DOP1B: variants seen among roughly 807,000 people sequenced by gnomAD.
DOP1B encodes the protein protein DOP1B.
A neutral mutation model predicts 233.5 loss-of-function variants in DOP1B; 174 were observed. The ratio of observed to expected loss-of-function variants is 0.75; its 90% CI spans 0.66 to 0.85. The LOEUF is 0.85. Ranked by LOEUF, DOP1B falls within the 40% of genes least tolerant of loss-of-function variation. The pLI, the probability that DOP1B is intolerant of heterozygous loss-of-function variation, is 0.00. For synonymous variants in DOP1B, 1,190 were observed against 1,185.6 expected, an observed-to-expected ratio of 1.00 and a Z score of -0.08; for missense variants, 2,652 against 2,846.6, an observed-to-expected ratio of 0.93 and a Z score of 1.56.
intron 2 of DOP1B, among the ~76,000 whole-genome samples, chr21:36,180,884 T>TC (rs1262070350): frequency 5.3e-5 from 7 of 132,512 alleles, no homozygotes; most frequent in Non-Finnish European, 1.7e-5. Flanking sequence ...AGACTGTGTC[T>TC]CAAAAAAAAA....
intron 15 of DOP1B, 125 bp from the exon 16 acceptor site, chr21:36,237,137 G>A: frequency 1.5e-6 from 2 of 1,310,954 alleles, no homozygotes; most frequent in East Asian, 4.7e-5. Context: ...GAGCATGGAG[G>A]ATTCTCACAT....
intron 13 of DOP1B, 40 bp downstream of exon 13, chr21:36,227,917 A>G (rs763991163): frequency 3.3e-6 from 5 of 1,510,320 alleles, no homozygotes; most frequent in Non-Finnish European, 8.9e-7. Flanking sequence ...TGGGGGCTAA[A>G]AGCAGCTTAT....
chr21:36,245,327 G>T lies in DOP1B; in HGVS notation c.3347G>T (p.Ser1116Ile). ...SSEHTESADTSSCHTDSENTS... is the reference protein window; with the variant it reads ...SSEHTESADTISCHTDSENTS... The stretch of plus-strand genomic sequence containing the variant: ...GAGCACACCGAGTCTGCAGATACAA[G>T]CTCCTGCCACACGGACAGCGAGAAC... Residue 1116 changes from serine to isoleucine, a missense_variant, in exon 19 of 37, where the codon AGC (serine) becomes ATC (isoleucine). By Grantham distance (142) the Ser-to-Ile change is moderately radical (BLOSUM62 -2). Transcript: ENST00000691173. The surrounding 1 kb of genome is among the most constrained non-coding windows in gnomAD (Gnocchi z 5.5). The T allele has an allele frequency of 6.2e-7, 1 of 1,614,122 alleles. No homozygotes were observed. Among genetic ancestry groups the T allele is most frequent in the Non-Finnish European group, 8.5e-7 (1 of 1,180,038 alleles).
At chr21:36,285,862 G>C (rs1028103446) in intron 32 of DOP1B, among the ~76,000 whole-genome samples, 11 of 152,026 alleles carry the variant, frequency 7.2e-5, no homozygotes, top group Non-Finnish European at 1.5e-4. Flanking sequence ...CAAAAAGTTA[G>C]CTGAGCATGG....
intron 20 of DOP1B, among the ~76,000 whole-genome samples, chr21:36,247,987 C>T (rs1050394355): frequency 6.6e-6 from 1 of 152,218 alleles, no homozygotes; most frequent in Admixed American, 6.5e-5. Context: ...TATAAAGCCA[C>T]TTGTTTGATT....
chr21:36,201,171 C>CT (rs1322738466), intron 4 of DOP1B, among the ~76,000 whole-genome samples: 1 of 152,036 alleles, frequency 6.6e-6, no homozygotes. Context: ...TGAAGGGACC[C>CT]TTTCCTGGGC....
intron 4 of DOP1B, among the ~76,000 whole-genome samples, chr21:36,204,757 C>T (rs1399907716): frequency 2.7e-5 from 4 of 148,316 alleles, no homozygotes; most frequent in East Asian, 4.0e-4. Context: ...CGGGTACAAG[C>T]GATTCTCCTC....
intron 20 of DOP1B, 90 bp downstream of exon 20, chr21:36,247,718 T>G (rs1384873404): frequency 7.8e-6 from 7 of 900,310 alleles, no homozygotes; most frequent in Non-Finnish European, 1.2e-5. Flanking sequence ...AACGTATGTA[T>G]GTAATGTCTG....
intron 24 of DOP1B, chr21:36,261,009 T>G (rs41418546): frequency 0.068 from 80,226 of 1,174,674 alleles, 3,094 homozygotes; most frequent in East Asian, 0.17. Context: ...GGATTTGCAT[T>G]AAATTGATAC....
chr21:36,247,255 T>C (rs2066978214), intron 19 of DOP1B, among the ~76,000 whole-genome samples: 1 of 152,176 alleles, frequency 6.6e-6, no homozygotes, highest in African/African-American at 2.4e-5. Context: ...CTCTCTACTA[T>C]TTTTGCAAAA....
At chr21:36,176,579 G>C (rs1489217336) in intron 2 of DOP1B, among the ~76,000 whole-genome samples, 1 of 152,162 alleles carries the variant, frequency 6.6e-6, no homozygotes, top group Non-Finnish European at 1.5e-5. Flanking sequence ...AGGTGGCCAG[G>C]TAAGTGCAGG....
chr21:36,198,918 C>T (rs1462582419), intron 2 of DOP1B, 152 bp from the exon 3 acceptor site: 4 of 763,802 alleles, frequency 5.2e-6, no homozygotes, highest in Non-Finnish European at 8.0e-6. Flanking sequence ...TGGACTCTCG[C>T]CATGCAGTCC....
chr21:36,210,827 A>G (rs1220593734), intron 5 of DOP1B, among the ~76,000 whole-genome samples: 2 of 152,210 alleles, frequency 1.3e-5, no homozygotes, highest in African/African-American at 2.4e-5. Flanking sequence ...AAATAAAAAA[A>G]TAAAAATATC....
At chr21:36,281,644 C>G in intron 32 of DOP1B, 33 bp downstream of exon 32, 1 of 1,498,646 alleles carries the variant, frequency 6.7e-7, no homozygotes, top group Non-Finnish European at 9.0e-7. Context: ...TTTTTTGCTG[C>G]TATAACAGAA....
chr21:36,181,099 A>G (rs377720248), intron 2 of DOP1B, among the ~76,000 whole-genome samples: 3 of 152,172 alleles, frequency 2.0e-5, no homozygotes, highest in Admixed American at 6.6e-5. Context: ...TTGAATAGCA[A>G]TGTTGCTATC....
rs1569059592 is a variant in DOP1B at position 36,263,535 on chromosome 21, T to A, written c.5316-11T>A. 6 of 1,611,300 alleles carry A rather than the reference T, an allele frequency of 3.7e-6. No individual in the cohort carries two copies. The highest frequency in any genetic ancestry group is 4.2e-6 in the Non-Finnish European group (5 of 1,178,324). Reference sequence around the variant, plus strand: ...GTGGTTGAGTATTTTTCCTATCTTTTAAAAAAACAGGCTCCCAGTACCAGC... The same window carrying A: ...GTGGTTGAGTATTTTTCCTATCTTTAAAAAAAACAGGCTCCCAGTACCAGC... On this transcript the variant is annotated splice_polypyrimidine_tract_variant and intron_variant, in intron 24 of 36. Coordinates refer to ENST00000691173, the MANE Select transcript of DOP1B (RefSeq NM_001320714.2).
intron 2 of DOP1B, among the ~76,000 whole-genome samples, chr21:36,190,538 C>T (rs533966380): frequency 6.6e-6 from 1 of 152,010 alleles, no homozygotes; most frequent in African/African-American, 2.4e-5. Flanking sequence ...TCTGGGATTA[C>T]AGGCCTGTGC....
Position 36,227,797 on chromosome 21 carries a change from T to C in DOP1B, c.1585T>C (p.Leu529=). ...ALSLPELTHA[L]KTCFKVLSKV... The stretch of plus-strand genomic sequence containing the variant: ...AAGTTTACCTGAACTCACGCATGCC[T>C]TGAAGACGTGTTTCAAGGTGCTCAG... Residue 529 remains leucine, a synonymous_variant, in exon 13 of 37, where the codon TTG becomes CTG. Transcript: ENST00000691173. The C allele has an allele frequency of 6.2e-7, 1 of 1,613,842 alleles. No homozygotes were observed. The highest frequency in any genetic ancestry group is 8.5e-7 in the Non-Finnish European group (1 of 1,179,802).
chr21:36,164,757 C>T lies in DOP1B; in HGVS notation c.24C>T (p.Leu8=). ...AGATGGATCCAGAAGAGCAGGAGCT[C>T]TTAAATGATTACAGATACAGAAGCT... is the stretch of plus-strand genomic sequence containing the variant. MDPEEQE[L]LNDYRYRSYS... The change falls in exon 2 of 37, where the codon CTC becomes CTT. Residue 8 remains leucine, a synonymous_variant. Transcript: ENST00000691173. 1.2e-6 allele frequency: 2 copies of T among 1,605,662 alleles called. No individual in the cohort carries two copies. The highest frequency in any genetic ancestry group is 1.7e-6 in the Non-Finnish European group (2 of 1,177,138).
Sources: allele counts gnomAD v4.1 joint callset (sites outside exome capture counted in the v4.1 genomes callset), GRCh38; gene constraint gnomAD v4.1.1; non-coding constraint Gnocchi (gnomAD v3.1); transcripts MANE v1.5; gene names NCBI Gene and HGNC (gene_info 2026-07-23, HGNC 2026-07-21).